LRRC1: variants seen among roughly 807,000 people sequenced by gnomAD.
LRRC1 encodes leucine-rich repeat-containing protein 1.
A neutral mutation model predicts 69.9 loss-of-function variants in LRRC1; 28 were observed. That is an observed-to-expected ratio of 0.40 (90% CI 0.30 to 0.55). The LOEUF is 0.55. Ranked by LOEUF, LRRC1 falls within the 20% of genes least tolerant of loss-of-function variation. The pLI is 0.47. For synonymous variants in LRRC1, 236 were observed against 240.2 expected (o/e 0.98, Z 0.16); for missense variants, 498 against 609.0 (o/e 0.82, Z 1.92).
In LRRC1 at chr6:53,863,446, G is replaced by T. The variant is rs530643758; in HGVS notation, c.278-15547G>T. 2.0e-5 allele frequency among the ~76,000 whole-genome samples: 3 copies of T among 152,260 alleles called. No individual in the cohort carries two copies. The East Asian group carries it at 5.8e-4, about 29-fold the overall frequency. Reference sequence around the variant, plus strand: ...TTTCTTACACTGTTCCAGGTCTTCCGCTCCCGGGCTCTTCTTCATCTCTCC... The same window carrying T: ...TTTCTTACACTGTTCCAGGTCTTCCTCTCCCGGGCTCTTCTTCATCTCTCC... On this transcript the variant is annotated intron_variant, in intron 2 of 13. Coordinates refer to ENST00000370888, the MANE Select transcript of LRRC1 (RefSeq NM_018214.5).
intron 11 of LRRC1, among the ~76,000 whole-genome samples, chr6:53,916,307 CT>C (rs1254074608): frequency 6.6e-6 from 1 of 152,144 alleles, no homozygotes; most frequent in African/African-American, 2.4e-5. Context: ...ATAGCTTATA[CT>C]TTTGAATTTT....
chr6:53,837,152 G>A (rs1765635207), intron 1 of LRRC1, among the ~76,000 whole-genome samples: 3 of 151,516 alleles, frequency 2.0e-5, no homozygotes, highest in African/African-American at 7.3e-5. Flanking sequence ...TAGTTTTGGG[G>A]TATTATAAAT....
At chr6:53,812,122 A>G (rs1401212645) in intron 1 of LRRC1, among the ~76,000 whole-genome samples, 1 of 152,238 alleles carries the variant, frequency 6.6e-6, no homozygotes, top group Non-Finnish European at 1.5e-5. Flanking sequence ...AGGCCCCATC[A>G]TGGGCAGCCT....
chr6:53,919,976 T>G (rs1768688809), intron 12 of LRRC1, among the ~76,000 whole-genome samples: 1 of 152,258 alleles, frequency 6.6e-6, no homozygotes, highest in African/African-American at 2.4e-5. Context: ...AAATCCAAAC[T>G]GATAGTTCAG....
intron 1 of LRRC1, among the ~76,000 whole-genome samples, chr6:53,804,801 T>C (rs1764591857): frequency 1.3e-5 from 2 of 152,234 alleles, no homozygotes; most frequent in Admixed American, 1.3e-4. Context: ...GGATATGTAC[T>C]TTACAAAATA....
At chr6:53,831,850 G>T (rs969879682) in intron 1 of LRRC1, among the ~76,000 whole-genome samples, 1 of 152,098 alleles carries the variant, frequency 6.6e-6, no homozygotes, top group Non-Finnish European at 1.5e-5. Flanking sequence ...TGGTATCGAC[G>T]TATTTGCTTA....
chr6:53,920,538 GATTC>G, intron 12 of LRRC1, 83 bp from the exon 13 acceptor site: 1 of 1,506,962 alleles, frequency 6.6e-7, no homozygotes, highest in Non-Finnish European at 9.2e-7. Context: ...CCTCCGTATA[GATTC>G]TACCTTGTCA....
chr6:53,844,979 G>T (rs1178822228), intron 2 of LRRC1, among the ~76,000 whole-genome samples: 1 of 152,130 alleles, frequency 6.6e-6, no homozygotes, highest in Non-Finnish European at 1.5e-5. Context: ...CCAAGGCGGG[G>T]GGATCACTAG....
At chr6:53,913,671 G>A (rs1341886334) in intron 10 of LRRC1, among the ~76,000 whole-genome samples, 183 bp from the exon 11 acceptor site, 1 of 152,114 alleles carries the variant, frequency 6.6e-6, no homozygotes, top group Non-Finnish European at 1.5e-5. Flanking sequence ...AGATTTTTAT[G>A]AACATATGGG....
intron 1 of LRRC1, among the ~76,000 whole-genome samples, chr6:53,815,719 TCTC>T (rs1339644571): frequency 1.7e-4 from 26 of 152,346 alleles, no homozygotes; most frequent in African/African-American, 6.0e-4. Context: ...GCAAGTTCTC[TCTC>T]CTCCTGCGTT....
chr6:53,808,341 G>A (rs1030216596), intron 1 of LRRC1, among the ~76,000 whole-genome samples: 7 of 151,950 alleles, frequency 4.6e-5, no homozygotes, highest in African/African-American at 1.7e-4. Flanking sequence ...GATTTAGGGA[G>A]GACTGGAAAA....
intron 1 of LRRC1, 102 bp from the exon 2 acceptor site, chr6:53,842,008 C>T (rs1765804302): frequency 2.9e-6 from 2 of 689,048 alleles, no homozygotes; most frequent in South Asian, 1.9e-5. Flanking sequence ...TTGCTACAAC[C>T]TTCATTAGTT....
intron 1 of LRRC1, among the ~76,000 whole-genome samples, chr6:53,828,221 A>C (rs1581857817): frequency 1.3e-5 from 2 of 149,170 alleles, no homozygotes; most frequent in Middle Eastern, 3.6e-3. Context: ...GCTTTCCTTT[A>C]TTTTCATAAT....
chr6:53,895,625 G>A (rs996225839), intron 4 of LRRC1, among the ~76,000 whole-genome samples: 1 of 152,180 alleles, frequency 6.6e-6, no homozygotes, highest in Non-Finnish European at 1.5e-5. Context: ...GCTTGTAGGG[G>A]CAATAGACTG....
chr6:53,876,573 A>G (rs575614552), intron 2 of LRRC1, among the ~76,000 whole-genome samples: 28 of 152,316 alleles, frequency 1.8e-4, no homozygotes, highest in African/African-American at 5.5e-4. Flanking sequence ...CCTAGATACA[A>G]TGGCAGTGCA....
intron 4 of LRRC1, among the ~76,000 whole-genome samples, chr6:53,895,233 T>A (rs959692351): frequency 2.6e-5 from 4 of 152,200 alleles, no homozygotes. Context: ...TTTGTCTTTT[T>A]AAAAAGAAAT....
intron 1 of LRRC1, among the ~76,000 whole-genome samples, chr6:53,814,467 T>C (rs1324430396): frequency 6.6e-6 from 1 of 152,210 alleles, no homozygotes; most frequent in Non-Finnish European, 1.5e-5. Context: ...TGAAGGTATT[T>C]ACCTTTGATG....
intron 10 of LRRC1, 93 bp downstream of exon 10, chr6:53,904,555 G>T (rs1445096815): frequency 1.2e-6 from 1 of 835,806 alleles, no homozygotes; most frequent in South Asian, 1.9e-5. Context: ...TTGAAAAGAC[G>T]CATGTGTTGT....
chr6:53,901,924 T>C (rs2127437471), intron 8 of LRRC1, among the ~76,000 whole-genome samples: 1 of 152,360 alleles, frequency 6.6e-6, no homozygotes, highest in East Asian at 1.9e-4. Flanking sequence ...GGATGTTTTC[T>C]GATGTAGTGG....
Sources: allele counts gnomAD v4.1 joint callset (sites outside exome capture counted in the v4.1 genomes callset), GRCh38; gene constraint gnomAD v4.1.1; transcripts MANE v1.5; gene names NCBI Gene and HGNC (gene_info 2026-07-23, HGNC 2026-07-21).